Variants in MED12L observed in about 807,000 individuals in gnomAD.
MED12L encodes mediator complex subunit 12L, also known as mediator of RNA polymerase II transcription subunit 12-like protein.
MED12L carries 60 observed loss-of-function variants against 281.3 expected under a neutral mutation model. The observed-to-expected ratio is 0.21, with a 90% CI of 0.17 to 0.26. The LOEUF (loss-of-function observed/expected upper bound fraction) is 0.26, where lower values mean the gene tolerates loss of function less well. MED12L is among the 10% of genes least tolerant of loss of function. The pLI, the probability that MED12L is intolerant of heterozygous loss-of-function variation, is 1.00. For missense variants in MED12L, 2,146 were observed against 2,680.9 expected, an observed-to-expected ratio of 0.80 and a Z score of 4.41; for synonymous variants, 974 against 987.2, an observed-to-expected ratio of 0.99 and a Z score of 0.25.
Position 151,086,818 on chromosome 3 carries a change from C to T in MED12L, c.-109C>T, listed in dbSNP as rs1719283104. 1 of 815,030 alleles carries T rather than the reference C, an allele frequency of 1.2e-6. No homozygotes were observed. Among genetic ancestry groups the T allele is most frequent in the Non-Finnish European group, 1.9e-6 (1 of 526,168 alleles). The allele number at this position is 815,030 out of a possible 1,614,324, so 50.5% of individuals were successfully genotyped here. A position where few individuals can be genotyped will look rare whatever the true frequency, so the allele number is the denominator to read the frequency against. On this transcript the variant is annotated 5_prime_UTR_variant, in exon 2 of 45. Transcript: ENST00000687756. The stretch of plus-strand genomic sequence containing the variant: ...TGCAGCGCCACAGCGAGCGAGCGAG[C>T]GAGGAGGGGGAGAGAGGGAGTCTGT...
chr3:151,134,706 G>C lies in MED12L; in HGVS notation c.556+6722G>C, dbSNP rs190426308. Among the ~76,000 whole-genome samples the C allele has an allele frequency of 3.1e-4, 47 of 152,286 alleles. No homozygotes were observed. In the East Asian group the frequency reaches 8.9e-3, roughly 29 times the overall value. ...GGTGTATACTTTTGCAAGAAGAGAC[G>C]CTTCCTAGGAGGACACAGCTGGAGT... On this transcript the variant is annotated intron_variant, in intron 5 of 44. Coordinates refer to ENST00000687756, the MANE Select transcript of MED12L (RefSeq NM_001393769.1).
chr3:151,373,963 A>T (rs1007404679), intron 27 of MED12L, among the ~76,000 whole-genome samples: 1 of 152,152 alleles, frequency 6.6e-6, no homozygotes, highest in Non-Finnish European at 1.5e-5. Flanking sequence ...AGCTAGAAAG[A>T]AAAATATATC....
chr3:151,188,173 G>A, intron 12 of MED12L, 181 bp from the exon 13 acceptor site: 1 of 454,620 alleles, frequency 2.2e-6, no homozygotes, highest in African/African-American at 2.0e-5. Context: ...GGCCTGGTTA[G>A]TACTTGGATG....
chr3:151,373,812 C>T (rs1049194158), intron 27 of MED12L, among the ~76,000 whole-genome samples: 1 of 152,072 alleles, frequency 6.6e-6, no homozygotes, highest in Admixed American at 6.6e-5. Context: ...ACTTTCTCTG[C>T]CCCGGGCCTG....
chr3:151,230,512 G>T (rs1265571121), intron 16 of MED12L, among the ~76,000 whole-genome samples: 9 of 150,690 alleles, frequency 6.0e-5, no homozygotes, highest in African/African-American at 2.2e-4. Flanking sequence ...ACACTTTGAT[G>T]CTCATTGACA....
intron 28 of MED12L, 121 bp from the exon 29 acceptor site, chr3:151,376,675 CATAT>C (rs369709197): frequency 1.3e-6 from 1 of 775,556 alleles, no homozygotes; most frequent in Non-Finnish European, 2.1e-6. Context: ...CCTTTTGACT[CATAT>C]AAATTATTTC....
chr3:151,295,894 G>A (rs561729692), intron 16 of MED12L, among the ~76,000 whole-genome samples: 3 of 152,324 alleles, frequency 2.0e-5, no homozygotes, highest in Non-Finnish European at 2.9e-5. Context: ...CTGATTCTCT[G>A]AAATCTGTTT....
At chr3:151,417,676 C>T (rs972062162) in intron 43 of MED12L, among the ~76,000 whole-genome samples, 1 of 151,966 alleles carries the variant, frequency 6.6e-6, no homozygotes, top group Non-Finnish European at 1.5e-5. Flanking sequence ...CCATGTTGGC[C>T]AGACTGTGGT....
chr3:151,152,085 G>GTTTTTTTTTTTTTTT lies in MED12L; in HGVS notation c.557-4059_557-4045dup, dbSNP rs141353889. Among the ~76,000 whole-genome samples the GTTTTTTTTTTTTTTT allele has an allele frequency of 1.1e-4, 7 of 63,020 alleles. 1 individual carries two copies. The highest frequency in any genetic ancestry group is 4.4e-4 in the African/African-American group (7 of 16,010). The allele number at this position is 63,020 out of a possible 152,430, so 41.3% of individuals were successfully genotyped here. On this transcript the variant is annotated intron_variant, in intron 5 of 44. Coordinates refer to ENST00000687756, the MANE Select transcript of MED12L (RefSeq NM_001393769.1). ...AAGAATTGTGGATCAGTTGAAGGTG[G>GTTTTTTTTTTTTTTT]TTTTTTTTTTTTTTTTTTTTTTTTT...
At chr3:151,129,021 C>T (rs1714950679) in intron 5 of MED12L, among the ~76,000 whole-genome samples, 1 of 152,242 alleles carries the variant, frequency 6.6e-6, no homozygotes, top group Admixed American at 6.5e-5. Flanking sequence ...GATGCTAAAC[C>T]AGAAATGTAC....
At chr3:151,384,390 A>G (rs1158988762) in intron 35 of MED12L, among the ~76,000 whole-genome samples, 172 bp downstream of exon 35, 1 of 152,268 alleles carries the variant, frequency 6.6e-6, no homozygotes, top group Admixed American at 6.5e-5. Context: ...TTACATGCAC[A>G]TAACCTTGAT....
intron 16 of MED12L, among the ~76,000 whole-genome samples, chr3:151,317,358 C>T (rs1748390963): frequency 6.7e-6 from 1 of 148,624 alleles, no homozygotes; most frequent in East Asian, 2.0e-4. Context: ...CCTTTGAATG[C>T]TGACCTTTAA....
intron 11 of MED12L, among the ~76,000 whole-genome samples, chr3:151,178,180 A>AAAAAAAAAAAAAAAAAAAAG (rs1560124043): frequency 6.6e-6 from 1 of 151,266 alleles, no homozygotes; most frequent in African/African-American, 2.4e-5. Context: ...AAAAAAAAAA[A>AAAAAAAAAAAAAAAAAAAAG]AAAAGAAAGT....
chr3:151,173,563 T>A (rs1721685369), intron 11 of MED12L, among the ~76,000 whole-genome samples: 1 of 152,278 alleles, frequency 6.6e-6, no homozygotes, highest in South Asian at 2.1e-4. Context: ...AAAAGCTTGC[T>A]TGACAATTTT....
chr3:151,206,635 A>G (rs955194031), intron 16 of MED12L, among the ~76,000 whole-genome samples: 2 of 69,244 alleles, frequency 2.9e-5, no homozygotes, highest in Non-Finnish European at 5.6e-5. Context: ...TATGACTAAC[A>G]CATTATCTTT....
At position 151,433,056 on chromosome 3, in the gene MED12L, C is replaced by T. The variant is rs1177024479; in HGVS notation, c.*252C>T. ...TGAATCATGCAGGCAGGCCTACTCC[C>T]GGAAGAGTGTGCTAGCAGACCTTTT... is the stretch of plus-strand genomic sequence containing the variant. On this transcript the variant is annotated 3_prime_UTR_variant, in exon 45 of 45. Coordinates refer to ENST00000687756, the MANE Select transcript of MED12L (RefSeq NM_001393769.1). 7 of 415,058 alleles carry T rather than the reference C, an allele frequency of 1.7e-5. No individual in the cohort carries two copies. The highest frequency in any genetic ancestry group is 8.1e-5 in the African/African-American group (4 of 49,236). 25.7% of individuals were successfully genotyped at this position (415,058 alleles called of 1,614,324 possible).
At chr3:151,099,823 A>T (rs1437746989) in intron 2 of MED12L, among the ~76,000 whole-genome samples, 1 of 152,196 alleles carries the variant, frequency 6.6e-6, no homozygotes, top group Admixed American at 6.5e-5. Flanking sequence ...AATGCTTCCA[A>T]TGTGATATAT....
chr3:151,279,903 G>C (rs529822886), intron 16 of MED12L, among the ~76,000 whole-genome samples: 13 of 152,254 alleles, frequency 8.5e-5, no homozygotes, highest in African/African-American at 2.9e-4. Flanking sequence ...ATTGTTCCGG[G>C]TCCCTTTTGT....
At chr3:151,377,788 T>G (rs1560100838) in intron 30 of MED12L, among the ~76,000 whole-genome samples, 4 of 152,202 alleles carry the variant, frequency 2.6e-5, no homozygotes, top group Non-Finnish European at 5.9e-5. Flanking sequence ...AGTTACAATA[T>G]CCTTCCAGAA....
Sources: gnomAD v4.1 joint callset for allele counts (sites outside exome capture counted in the v4.1 genomes callset) on GRCh38, gnomAD v4.1.1 for gene constraint, MANE v1.5 for transcripts, NCBI Gene and HGNC (gene_info 2026-07-23, HGNC 2026-07-21) for gene names.